The following SSBP3 variants were observed in gnomAD, a reference collection of about 807,000 sequenced individuals.
SSBP3 encodes the protein single-stranded DNA-binding protein 3.
In SSBP3, 5 loss-of-function variants were observed where a neutral mutation model predicts 69.6. The observed-to-expected ratio is 0.07, with a 90% CI of 0.04 to 0.15. The LOEUF (loss-of-function observed/expected upper bound fraction) is 0.15, where lower values mean the gene tolerates loss of function less well. Ranked by LOEUF, SSBP3 falls within the 10% of genes least tolerant of loss-of-function variation. SSBP3 has a pLI of 1.00. For missense variants in SSBP3, 312 were observed against 534.0 expected, an observed-to-expected ratio of 0.58 and a Z score of 4.10; for synonymous variants, 196 against 193.4, an observed-to-expected ratio of 1.01 and a Z score of -0.11.
intron 4 of SSBP3, among the ~76,000 whole-genome samples, chr1:54,338,548 C>T (rs769762947): frequency 1.3e-5 from 2 of 152,178 alleles, no homozygotes; most frequent in Non-Finnish European, 2.9e-5. Context: ...GCCAACTATT[C>T]AGGGTAACTG....
intron 4 of SSBP3, 40 bp downstream of exon 4, chr1:54,401,821 A>T: frequency 6.4e-7 from 1 of 1,562,992 alleles, no homozygotes; most frequent in Non-Finnish European, 8.8e-7. Flanking sequence ...GAGCTATCCA[A>T]CCCTATAATT....
chr1:54,393,406 G>A (rs1570038641), intron 4 of SSBP3, among the ~76,000 whole-genome samples: 1 of 152,222 alleles, frequency 6.6e-6, no homozygotes, highest in East Asian at 1.9e-4. Context: ...TCACCCCAAC[G>A]TCATTCTGCT....
At chr1:54,318,196 G>C (rs771169343) in intron 4 of SSBP3, among the ~76,000 whole-genome samples, 54 of 152,166 alleles carry the variant, frequency 3.5e-4, no homozygotes, top group Non-Finnish European at 6.3e-4. Context: ...ACACCTCCAA[G>C]GATGACATTT....
chr1:54,360,372 T>C (rs1037561560), intron 4 of SSBP3, among the ~76,000 whole-genome samples: 3 of 152,242 alleles, frequency 2.0e-5, no homozygotes, highest in African/African-American at 7.2e-5. Flanking sequence ...TGGCACACGA[T>C]AGGCACTCAA....
At chr1:54,243,181 AGG>A (rs1553123803) in intron 10 of SSBP3, 52 bp downstream of exon 10, 1 of 1,544,156 alleles carries the variant, frequency 6.5e-7, no homozygotes, top group Non-Finnish European at 9.0e-7. Context: ...GTGCTGGCAG[AGG>A]GTGGGGGAAG....
At chr1:54,310,175 C>G (rs541712445) in intron 4 of SSBP3, among the ~76,000 whole-genome samples, 40 of 152,328 alleles carry the variant, frequency 2.6e-4, no homozygotes, top group Non-Finnish European at 4.3e-4. Context: ...GTCTTAGTGC[C>G]TGCTGCTGCC....
At chr1:54,310,307 A>G (rs889263576) in intron 4 of SSBP3, among the ~76,000 whole-genome samples, 2 of 152,126 alleles carry the variant, frequency 1.3e-5, no homozygotes, top group Non-Finnish European at 2.9e-5. Flanking sequence ...GTCACTACCT[A>G]GCATTTTTCA....
At chr1:54,375,311 T>C (rs898933015) in intron 4 of SSBP3, among the ~76,000 whole-genome samples, 1 of 152,062 alleles carries the variant, frequency 6.6e-6, no homozygotes, top group African/African-American at 2.4e-5. Context: ...GGGAATTTAT[T>C]CATTCCTACT....
chr1:54,369,997 T>A (rs755818838), intron 4 of SSBP3, among the ~76,000 whole-genome samples: 5 of 152,174 alleles, frequency 3.3e-5, no homozygotes, highest in Non-Finnish European at 7.3e-5. Context: ...TCAAGATGCC[T>A]GGAAGAGAAG....
At chr1:54,334,780 G>A (rs1370767616) in intron 4 of SSBP3, among the ~76,000 whole-genome samples, 1 of 152,176 alleles carries the variant, frequency 6.6e-6, no homozygotes, top group African/African-American at 2.4e-5. Context: ...CTCTTTCAGT[G>A]ATGGCCAACT....
chr1:54,368,735 T>C (rs1159917393), intron 4 of SSBP3, among the ~76,000 whole-genome samples: 2 of 152,218 alleles, frequency 1.3e-5, no homozygotes, highest in South Asian at 2.1e-4. Context: ...AGACCCTTTA[T>C]TGAAATGTGC....
chr1:54,259,816 GA>G (rs994523789), intron 5 of SSBP3, among the ~76,000 whole-genome samples: 9 of 152,244 alleles, frequency 5.9e-5, no homozygotes. Flanking sequence ...CTCACTTCCG[GA>G]AAGCTCCGAG....
At chr1:54,382,985 C>CAAAAAAA (rs781100304) in intron 4 of SSBP3, among the ~76,000 whole-genome samples, 1 of 89,960 alleles carries the variant, frequency 1.1e-5, no homozygotes. Context: ...AACTCCATGA[C>CAAAAAAA]AAAAAAAAAA....
In SSBP3 at chr1:54,228,434, C is replaced by T. The variant is rs749251278; in HGVS notation, c.1035+15G>A. 6.0e-5 allele frequency: 97 copies of T among 1,614,056 alleles called. No individual in the cohort carries two copies. The highest frequency in any genetic ancestry group is 5.9e-4 in the African/African-American group (44 of 74,926). ...ACAGATGGGGCGCCGCCAGGGAGACCGAGTGCACACTCACTTTTGGAAGTC... is the reference window on the plus strand; with the variant it reads ...ACAGATGGGGCGCCGCCAGGGAGACTGAGTGCACACTCACTTTTGGAAGTC... On this transcript the variant is annotated intron_variant, in intron 16 of 17. Coordinates refer to ENST00000610401, the Ensembl canonical transcript of SSBP3.
Position 54,323,448 on chromosome 1 carries a change from C to T in SSBP3, c.277-41921G>A, listed in dbSNP as rs935503303. ...TCCTCCAGCAGGGCAGGACGCCAGG[C>T]GTCCTGCTGGAAGGAGGCTCCCCAT... On this transcript the variant is annotated intron_variant, in intron 4 of 17. Coordinates refer to ENST00000610401, the Ensembl canonical transcript of SSBP3. Among the ~76,000 whole-genome samples, 5 of 152,186 alleles carry T rather than the reference C, an allele frequency of 3.3e-5. 1 individual carries two copies. Among genetic ancestry groups the T allele is most frequent in the South Asian group, 4.1e-4 (2 of 4,830 alleles).
intron 5 of SSBP3, among the ~76,000 whole-genome samples, chr1:54,259,093 T>C (rs1204895293): frequency 6.6e-6 from 1 of 151,910 alleles, no homozygotes; most frequent in Non-Finnish European, 1.5e-5. Context: ...TGGGCTATCC[T>C]TTTCATACCT....
intron 4 of SSBP3, among the ~76,000 whole-genome samples, chr1:54,307,799 C>T (rs866911646): frequency 6.7e-6 from 1 of 148,606 alleles, no homozygotes; most frequent in Non-Finnish European, 1.5e-5. Context: ...GCAATGGCAA[C>T]GTCAGCAAGT....
intron 9 of SSBP3, among the ~76,000 whole-genome samples, chr1:54,244,882 C>T (rs1001128751): frequency 1.3e-5 from 2 of 152,122 alleles, no homozygotes; most frequent in African/African-American, 2.4e-5. Context: ...CTCCCTCCCC[C>T]GCCACCATGC....
At chr1:54,228,895 G>A in intron 14 of SSBP3, 69 bp from the exon 15 acceptor site, 1 of 1,517,388 alleles carries the variant, frequency 6.6e-7, no homozygotes, top group Non-Finnish European at 9.0e-7. Flanking sequence ...CAGGCAGGGG[G>A]CTGCAGCCAC....
Sources: allele counts gnomAD v4.1 joint callset (sites outside exome capture counted in the v4.1 genomes callset), GRCh38; gene constraint gnomAD v4.1.1; transcripts MANE v1.5; gene names NCBI Gene and HGNC (gene_info 2026-07-23, HGNC 2026-07-21).